The following CLCN6 variants were observed in gnomAD, a reference collection of about 807,000 sequenced individuals.
CLCN6 encodes Cl-/H+ antiporter 6, also known as H(+)/Cl(-) exchange transporter 6.
In CLCN6, 70 loss-of-function variants were observed where a neutral mutation model predicts 109.8. That is an observed-to-expected ratio of 0.64 (90% CI 0.53 to 0.78). The LOEUF (loss-of-function observed/expected upper bound fraction) is 0.78. CLCN6 is among the 30% of genes least tolerant of loss of function. The probability of loss-of-function intolerance (pLI) is 0.00; values close to 1 mark genes in which losing one functional copy is unlikely to be tolerated. For synonymous variants in CLCN6, 444 were observed against 447.8 expected (o/e 0.99, Z 0.11); for missense variants, 984 against 1,142.3 (o/e 0.86, Z 2.00).
intron 5 of CLCN6, chr1:11,820,362 A>T: frequency 1.4e-6 from 1 of 716,386 alleles, no homozygotes. Context: ...TATAAATAAG[A>T]TAAATTCCAG....
intron 2 of CLCN6, among the ~76,000 whole-genome samples, chr1:11,815,574 TA>T (rs1445824003): frequency 6.6e-6 from 1 of 152,170 alleles, no homozygotes; most frequent in African/African-American, 2.4e-5. Flanking sequence ...TTTGTATTTT[TA>T]GTAGAGACAG....
At position 11,833,932 on chromosome 1, in the gene CLCN6, A is replaced by G. The variant is rs1324224043; in HGVS notation, c.1428A>G (p.Ala476=). 5 of 1,613,934 alleles carry G rather than the reference A, an allele frequency of 3.1e-6. No homozygotes were observed. The highest frequency in any genetic ancestry group is 1.6e-4 in the Middle Eastern group (1 of 6,062). ...ALFFVLYFLL[A]CWTYGISVPS... ...TCTTCGTTCTCTATTTCTTGCTTGC[A>G]TGTTGGACTTACGGCATTTCTGTTC... The change falls in exon 15 of 23, where the codon GCA becomes GCG. Residue 476 remains alanine, a synonymous_variant. Coordinates refer to ENST00000346436, the MANE Select transcript of CLCN6 (RefSeq NM_001286.5).
chr1:11,823,575 A>AAC, intron 6 of CLCN6, 132 bp from the exon 7 acceptor site: 1 of 1,202,948 alleles, frequency 8.3e-7, no homozygotes, highest in South Asian at 1.4e-5. Flanking sequence ...GTGGTTCTGC[A>AAC]AGCCCTCCAG....
chr1:11,827,171 A>G lies in CLCN6; in HGVS notation c.790A>G (p.Ser264Gly). The G allele has an allele frequency of 6.2e-7, 1 of 1,613,882 alleles. No homozygotes were observed. The highest frequency in any genetic ancestry group is 8.5e-7 in the Non-Finnish European group (1 of 1,179,858). ...FGAPIGGTLF[S>G]LEEGSSFWNQ... ...GGCGCCAATCGGGGGTACCTTGTTC[A>G]GTCTAGAGGAGGGTTCGTCCTTCTG... is the stretch of plus-strand genomic sequence containing the variant. The change falls in exon 10 of 23, where the codon AGT (serine) becomes GGT (glycine). Residue 264 changes from serine to glycine, a missense_variant. By Grantham distance (56) the Ser-to-Gly change is moderately conservative. Coordinates refer to ENST00000346436, the MANE Select transcript of CLCN6 (RefSeq NM_001286.5).
chr1:11,824,340 T>G, intron 7 of CLCN6, 146 bp from the exon 8 acceptor site: 1 of 539,600 alleles, frequency 1.9e-6, no homozygotes, highest in Non-Finnish European at 3.3e-6. Flanking sequence ...ATGGAGCTTA[T>G]TTGGTGGGAA....
chr1:11,825,676 G>A (rs1472710598), intron 8 of CLCN6, among the ~76,000 whole-genome samples: 1 of 152,182 alleles, frequency 6.6e-6, no homozygotes, highest in Non-Finnish European at 1.5e-5. Context: ...AGGCTGGAGT[G>A]CGATGGTGCC....
chr1:11,837,127 G>T lies in CLCN6; in HGVS notation c.2109G>T (p.Glu703Asp). 6.2e-7 allele frequency: 1 copy of T among 1,613,096 alleles called. No homozygotes were observed. The change falls in exon 19 of 23, where the codon GAG becomes GAT. Residue 703 changes from glutamate (E) to aspartate (D), a missense_variant. By Grantham distance (45) the Glu-to-Asp change is conservative. Coordinates refer to ENST00000346436, the MANE Select transcript of CLCN6 (RefSeq NM_001286.5). ...CCTCTGAGGAGCCAGCCGAGAAGGA[G>T]GACCTCCTGCAGCAGATGCTGGAAA... ...HIASEEPAEK[E>D]DLLQQMLERR...
rs756140547 is a variant in CLCN6 at position 11,815,837 on chromosome 1, T to A, written c.148-9T>A. ...CATGACCTTTTGACTCAACTTTGCC[T>A]CTTTTCAGAGTTTGGATTATGATCG... On this transcript the variant is annotated splice_polypyrimidine_tract_variant and intron_variant, in intron 2 of 22. Coordinates refer to ENST00000346436, the MANE Select transcript of CLCN6 (RefSeq NM_001286.5). 18 of 1,612,804 alleles carry A rather than the reference T, an allele frequency of 1.1e-5. No homozygotes were observed. In the South Asian group the frequency reaches 1.9e-4, roughly 17 times the overall value.
rs974480204 is a variant in CLCN6, at chr1:11,842,528, C to G, written c.*2305C>G. The G allele has an allele frequency of 1.3e-5, 2 of 152,736 alleles. No individual in the cohort carries two copies. Among genetic ancestry groups the G allele is most frequent in the African/African-American group, 4.8e-5 (2 of 41,462 alleles). The allele number at this position is 152,736 out of a possible 1,614,324, so 9.5% of individuals were successfully genotyped here. On this transcript the variant is annotated 3_prime_UTR_variant, in exon 23 of 23. Transcript: ENST00000346436. The stretch of plus-strand genomic sequence containing the variant: ...TCCATTTCTGTCCATTAGAAACCAG[C>G]CTTTTCAGCATCTCACCCATTAGCA...
At chr1:11,811,140 G>A (rs1044775044) in intron 2 of CLCN6, among the ~76,000 whole-genome samples, 3 of 152,078 alleles carry the variant, frequency 2.0e-5, no homozygotes, top group Admixed American at 6.6e-5. Flanking sequence ...GAGCCCAGGA[G>A]ACGGAGGTTG....
At chr1:11,813,392 ATT>A (rs796308001) in intron 2 of CLCN6, among the ~76,000 whole-genome samples, 19 of 142,772 alleles carry the variant, frequency 1.3e-4, no homozygotes, top group African/African-American at 2.3e-4. Context: ...AGTAAAAAAG[ATT>A]TTTTTTTTTT....
At chr1:11,828,884 C>CA (rs539555851) in intron 12 of CLCN6, among the ~76,000 whole-genome samples, 20 of 152,214 alleles carry the variant, frequency 1.3e-4, no homozygotes, top group Non-Finnish European at 2.6e-4. Context: ...TTAGAAGGGT[C>CA]ACCGTGGCCC....
At position 11,835,998 on chromosome 1, in the gene CLCN6, C is replaced by T. The variant is rs1644939131; in HGVS notation, c.1825C>T (p.Leu609=). 6.2e-7 allele frequency: 1 copy of T among 1,613,942 alleles called. No individual in the cohort carries two copies. The highest frequency in any genetic ancestry group is 8.5e-7 in the Non-Finnish European group (1 of 1,179,970). ...LRASDIMEPN[L]TYVYPHTRIQ... ...AGCCAGCGACATCATGGAGCCCAACCTGACCTACGTCTACCCGCACACCCG... is the reference window on the plus strand; with the variant it reads ...AGCCAGCGACATCATGGAGCCCAACTTGACCTACGTCTACCCGCACACCCG... The change falls in exon 18 of 23, where the codon CTG becomes TTG. Residue 609 remains leucine (L), a synonymous_variant. Coordinates refer to ENST00000346436, the MANE Select transcript of CLCN6 (RefSeq NM_001286.5).
Position 11,834,421 on chromosome 1 carries a change from G to T in CLCN6, c.1686+26G>T. ...GTGAGCACACTCCCTCCAGGCCCCT[G>T]TCAGGCTCAGGGCCACGTCCGCCCC... On this transcript the variant is annotated intron_variant, in intron 16 of 22. Coordinates refer to ENST00000346436, the MANE Select transcript of CLCN6 (RefSeq NM_001286.5). The surrounding 1 kb of genome is among the most constrained non-coding windows in gnomAD (Gnocchi z 4.5). 6.2e-7 allele frequency: 1 copy of T among 1,613,166 alleles called. No homozygotes were observed. The highest frequency in any genetic ancestry group is 8.5e-7 in the Non-Finnish European group (1 of 1,179,270).
intron 2 of CLCN6, among the ~76,000 whole-genome samples, chr1:11,814,448 A>G (rs1027820276): frequency 3.3e-5 from 5 of 151,830 alleles, no homozygotes; most frequent in Admixed American, 6.6e-5. Flanking sequence ...GGGTTTCACC[A>G]TCTTGCCTAG....
At chr1:11,830,941 C>T (rs1644876907) in intron 13 of CLCN6, among the ~76,000 whole-genome samples, 1 of 151,900 alleles carries the variant, frequency 6.6e-6, no homozygotes, top group Non-Finnish European at 1.5e-5. Context: ...TCAAGTGATT[C>T]TCCTGCCTCA....
intron 9 of CLCN6, among the ~76,000 whole-genome samples, chr1:11,826,486 G>T (rs1644813293): frequency 6.6e-6 from 1 of 152,250 alleles, no homozygotes; most frequent in Non-Finnish European, 1.5e-5. Flanking sequence ...AAAGGCCACA[G>T]ACAGGCATAT....
intron 1 of CLCN6, 117 bp downstream of exon 1, chr1:11,806,466 G>A: frequency 7.9e-6 from 7 of 890,586 alleles, no homozygotes; most frequent in Non-Finnish European, 9.6e-6. Context: ...GGTGGGGCCT[G>A]GGGACCGCAG....
chr1:11,834,400 G>A lies in CLCN6; in HGVS notation c.1686+5G>A. On this transcript the variant is annotated splice_donor_5th_base_variant and intron_variant, in intron 16 of 22. Transcript: ENST00000346436. The surrounding 1 kb of genome is among the most constrained non-coding windows in gnomAD (Gnocchi z 4.5). ...CCCATCATGGTCACACTGATGGTGA[G>A]CACACTCCCTCCAGGCCCCTGTCAG... is the stretch of plus-strand genomic sequence containing the variant. The A allele has an allele frequency of 6.2e-7, 1 of 1,613,736 alleles. No individual in the cohort carries two copies. The highest frequency in any genetic ancestry group is 8.5e-7 in the Non-Finnish European group (1 of 1,179,774).
Sources: gnomAD v4.1 joint callset for allele counts (sites outside exome capture counted in the v4.1 genomes callset) on GRCh38, gnomAD v4.1.1 for gene constraint, Gnocchi (gnomAD v3.1) non-coding constraint, MANE v1.5 for transcripts, NCBI Gene and HGNC (gene_info 2026-07-23, HGNC 2026-07-21) for gene names.